The following PARG variants were observed in gnomAD, a reference collection of about 807,000 sequenced individuals.
The protein encoded by PARG is poly(ADP-ribose) glycohydrolase.
In PARG, 35 loss-of-function variants were observed where a neutral mutation model predicts 113.0. That is an observed-to-expected ratio of 0.31 (90% CI 0.24 to 0.41). PARG has a LOEUF of 0.41. PARG is among the 10% of genes least tolerant of loss of function. PARG has a pLI of 1.00. For missense variants in PARG, 797 were observed against 1,169.4 expected (o/e 0.68, Z 4.64); for synonymous variants, 330 against 409.9 (o/e 0.81, Z 2.36).
In PARG at chr10:49,819,550, T is replaced by G; in HGVS notation, c.2777-56A>C. On this transcript the variant is annotated intron_variant, in intron 17 of 17. Coordinates refer to ENST00000616448, the MANE Select transcript of PARG (RefSeq NM_003631.5). ...ATTAAAGTATGTAATTGAAAAAACC[T>G]TAGAAAGAACACTCCAGTTTTATCT... The G allele has an allele frequency of 2.2e-6, 3 of 1,358,452 alleles. No individual in the cohort carries two copies. The East Asian group carries it at 7.5e-5, about 34-fold the overall frequency. 84.1% of individuals were successfully genotyped at this position (1,358,452 alleles called of 1,614,324 possible).
intron 15 of PARG, among the ~76,000 whole-genome samples, chr10:49,838,002 G>C (rs1392349630): frequency 6.6e-6 from 1 of 152,194 alleles, no homozygotes; most frequent in African/African-American, 2.4e-5. Context: ...CACAAAAGAA[G>C]AGTGATTCAG....
chr10:49,927,003 C>T (rs377575570), intron 4 of PARG, among the ~76,000 whole-genome samples: 495 of 149,928 alleles, frequency 3.3e-3, no homozygotes, highest in East Asian at 0.013. Flanking sequence ...TTAGTAACAC[C>T]GCAACTTAAG....
rs1838577737 is a variant in PARG at position 49,933,278 on chromosome 10, A to G, written c.1170T>C (p.Ile390=). The part of the protein sequence containing the change: ...NDLNAKLPGN[I]SSLNVECRNS... ...TTCTGCATTCTACATTCAGGCTAGAAATATTTCCAGGTAGTTTAGCATTTA... is the reference window on the plus strand; with the variant it reads ...TTCTGCATTCTACATTCAGGCTAGAGATATTTCCAGGTAGTTTAGCATTTA... The change falls in exon 3 of 18, where the codon ATT becomes ATC. Residue 390 remains isoleucine, a synonymous_variant. Transcript: ENST00000616448. 1.2e-6 allele frequency: 2 copies of G among 1,604,768 alleles called. No homozygotes were observed. The highest frequency in any genetic ancestry group is 1.7e-5 in the Admixed American group (1 of 59,298).
intron 4 of PARG, among the ~76,000 whole-genome samples, chr10:49,925,522 C>T (rs1299988297): frequency 6.6e-6 from 1 of 152,200 alleles, no homozygotes; most frequent in Admixed American, 6.5e-5. Context: ...ATAAAACCAA[C>T]CTATAGCCTG....
chr10:49,827,768 C>G (rs184745143), intron 16 of PARG, among the ~76,000 whole-genome samples: 6 of 147,024 alleles, frequency 4.1e-5, no homozygotes, highest in African/African-American at 1.5e-4. Context: ...GGTATGGAAT[C>G]TTACAGCAAA....
chr10:49,916,116 C>T, intron 6 of PARG, 125 bp from the exon 7 acceptor site: 1 of 684,818 alleles, frequency 1.5e-6, no homozygotes, highest in Non-Finnish European at 2.7e-6. Context: ...CTACTACCTC[C>T]CCCTGCTACT....
chr10:49,864,407 G>A (rs1403221058), intron 11 of PARG, among the ~76,000 whole-genome samples: 13 of 151,990 alleles, frequency 8.6e-5, no homozygotes, highest in African/African-American at 1.9e-4. Flanking sequence ...TGAAAACACC[G>A]CAGGAAAGCC....
intron 7 of PARG, among the ~76,000 whole-genome samples, chr10:49,896,804 T>C (rs1467829550): frequency 6.6e-6 from 1 of 152,218 alleles, no homozygotes; most frequent in African/African-American, 2.4e-5. Context: ...GAGGTATATA[T>C]ATATGGCTTT....
At chr10:49,899,998 A>G (rs1460426904) in intron 7 of PARG, among the ~76,000 whole-genome samples, 1 of 152,014 alleles carries the variant, frequency 6.6e-6, no homozygotes, top group East Asian at 1.9e-4. Flanking sequence ...AGTTGTCCTT[A>G]TATTAATTTG....
chr10:49,826,130 T>C (rs1419383643), intron 16 of PARG, among the ~76,000 whole-genome samples: 1 of 152,142 alleles, frequency 6.6e-6, no homozygotes, highest in Non-Finnish European at 1.5e-5. Flanking sequence ...CTGTAAGAAA[T>C]AGATACTTGC....
intron 14 of PARG, among the ~76,000 whole-genome samples, chr10:49,843,305 T>C (rs1308505689): frequency 6.6e-6 from 1 of 152,254 alleles, no homozygotes; most frequent in Admixed American, 6.5e-5. Context: ...GGTAAAGAAC[T>C]GTAGAGAATT....
rs1408099085 is a variant in PARG at position 49,941,712 on chromosome 10, G to T, written c.14C>A (p.Pro5His). The change falls in exon 1 of 18, where the codon CCC (proline) becomes CAC (histidine). Residue 5 changes from proline to histidine, a missense_variant. Around this residue, in one of 5 missense-constraint regions of PARG, gnomAD observed 27 missense variants for 54.3 expected, o/e 0.50. Transcript: ENST00000616448. ...TCGCTTGGTGCAGGGTTCACAGCCGGGGCCCGCATTCATGCTGGGACCAGC... is the reference window on the plus strand; with the variant it reads ...TCGCTTGGTGCAGGGTTCACAGCCGTGGCCCGCATTCATGCTGGGACCAGC... MNAG[P>H]GCEPCTKRPR... The T allele has an allele frequency of 5.0e-5, 79 of 1,579,668 alleles. No homozygotes were observed. Among genetic ancestry groups the T allele is most frequent in the Middle Eastern group, 1.7e-4 (1 of 5,772 alleles).
intron 8 of PARG, among the ~76,000 whole-genome samples, chr10:49,881,908 TTG>T (rs1428668453): frequency 1.3e-5 from 2 of 152,186 alleles, no homozygotes; most frequent in Admixed American, 1.3e-4. Context: ...TCCCGTGCAT[TTG>T]TTCACAACCA....
In PARG at chr10:49,818,823, A is replaced by T. The variant is rs1316420907; in HGVS notation, c.*517T>A. ...AGGTTTGCATTATGCAACACATATG[A>T]AAAAAACCCTAATTATTAATTTTCA... On this transcript the variant is annotated 3_prime_UTR_variant, in exon 18 of 18. Coordinates refer to ENST00000616448, the MANE Select transcript of PARG (RefSeq NM_003631.5). 1 of 152,426 alleles carries T rather than the reference A, an allele frequency of 6.6e-6. No homozygotes were observed. Among genetic ancestry groups the T allele is most frequent in the Non-Finnish European group, 1.5e-5 (1 of 68,234 alleles). 9.4% of individuals were successfully genotyped at this position (152,426 alleles called of 1,614,324 possible). A position where few individuals can be genotyped will look rare whatever the true frequency, so the allele number is the denominator to read the frequency against.
chr10:49,910,036 G>A (rs1398085458), intron 7 of PARG: 1 of 151,310 alleles, frequency 6.6e-6, no homozygotes, highest in Non-Finnish European at 1.5e-5. Flanking sequence ...CAGTTCTGAA[G>A]AAAAAGACAG....
chr10:49,829,656 C>CAACAA (rs1844558735), intron 16 of PARG, among the ~76,000 whole-genome samples: 2 of 151,996 alleles, frequency 1.3e-5, no homozygotes, highest in Non-Finnish European at 2.9e-5. Context: ...AAAAAACCCC[C>CAACAA]AACAAAACAA....
chr10:49,931,898 G>T (rs1838504314), intron 4 of PARG, among the ~76,000 whole-genome samples: 1 of 152,220 alleles, frequency 6.6e-6, no homozygotes. Flanking sequence ...AGCTGATAAT[G>T]ATTGCTAATG....
At chr10:49,912,152 T>C (rs1355591035) in intron 7 of PARG, among the ~76,000 whole-genome samples, 5 of 151,626 alleles carry the variant, frequency 3.3e-5, no homozygotes, top group Admixed American at 6.6e-5. Flanking sequence ...ATCCAAAAAT[T>C]AGCCAGGTGT....
At chr10:49,907,546 CGTTCT>C (rs1836922411) in intron 7 of PARG, among the ~76,000 whole-genome samples, 1 of 151,822 alleles carries the variant, frequency 6.6e-6, no homozygotes. Flanking sequence ...ACAGATCTAA[CGTTCT>C]GTTTTTATTT....
Sources: gnomAD v4.1 joint callset for allele counts (sites outside exome capture counted in the v4.1 genomes callset) on GRCh38, gnomAD v4.1.1 for gene constraint, gnomAD v4.1.1 regional missense constraint, MANE v1.5 for transcripts, NCBI Gene and HGNC (gene_info 2026-07-23, HGNC 2026-07-21) for gene names.